Variants in ADCY8 observed in about 807,000 individuals in gnomAD.
ADCY8 encodes adenylate cyclase 8, also known as adenylate cyclase type 8.
ADCY8 carries 51 observed loss-of-function variants against 119.7 expected under a neutral mutation model. The ratio of observed to expected loss-of-function variants is 0.43; its 90% CI spans 0.34 to 0.54. The LOEUF (loss-of-function observed/expected upper bound fraction) is 0.54, where lower values mean the gene tolerates loss of function less well. Among genes scored for constraint, ADCY8 ranks in the 20% least tolerant of loss-of-function variants. The pLI is 0.03. For synonymous variants in ADCY8, 665 were observed against 651.0 expected, an observed-to-expected ratio of 1.02 and a Z score of -0.33; for missense variants, 1,383 against 1,598.8, an observed-to-expected ratio of 0.87 and a Z score of 2.30.
intron 13 of ADCY8, among the ~76,000 whole-genome samples, chr8:130,816,660 C>G (rs992423831): frequency 6.6e-6 from 1 of 151,944 alleles, no homozygotes; most frequent in African/African-American, 2.4e-5. Context: ...CTCCTGACCT[C>G]GTGATCCACC....
intron 15 of ADCY8, among the ~76,000 whole-genome samples, chr8:130,788,171 G>T (rs912948777): frequency 6.6e-6 from 1 of 151,954 alleles, no homozygotes; most frequent in African/African-American, 2.4e-5. Context: ...AGTGAACACG[G>T]GAGTGCAGAC....
intron 2 of ADCY8, among the ~76,000 whole-genome samples, chr8:130,977,441 C>G (rs1412004244): frequency 6.6e-6 from 1 of 152,142 alleles, no homozygotes; most frequent in Non-Finnish European, 1.5e-5. Flanking sequence ...TTTTCATACT[C>G]CAAACATCTC....
chr8:130,923,059 T>C (rs1334611001), intron 5 of ADCY8, among the ~76,000 whole-genome samples: 1 of 152,228 alleles, frequency 6.6e-6, no homozygotes, highest in Non-Finnish European at 1.5e-5. Flanking sequence ...TCAATTTTCA[T>C]TATTACAAAT....
At chr8:130,795,208 C>T (rs1815541836) in intron 15 of ADCY8, among the ~76,000 whole-genome samples, 2 of 152,198 alleles carry the variant, frequency 1.3e-5, no homozygotes, top group African/African-American at 4.8e-5. Flanking sequence ...CTCTGAGTGG[C>T]ACTTTGAGCT....
At chr8:131,037,081 A>G (rs1037213914) in intron 1 of ADCY8, among the ~76,000 whole-genome samples, 1 of 152,200 alleles carries the variant, frequency 6.6e-6, no homozygotes, top group African/African-American at 2.4e-5. Context: ...AAAGACTCTT[A>G]AGCCAATAGA....
chr8:130,810,254 A>G (rs1816119216), intron 14 of ADCY8, among the ~76,000 whole-genome samples: 1 of 152,100 alleles, frequency 6.6e-6, no homozygotes, highest in Non-Finnish European at 1.5e-5. Context: ...GGTAACAGAG[A>G]ATGAAACTGG....
chr8:130,937,729 C>A (rs956426377), intron 4 of ADCY8, among the ~76,000 whole-genome samples: 7 of 152,152 alleles, frequency 4.6e-5, no homozygotes, highest in African/African-American at 1.7e-4. Context: ...CTTATATATC[C>A]TTTTATTCGT....
At chr8:131,031,829 A>C (rs1175583029) in intron 1 of ADCY8, among the ~76,000 whole-genome samples, 1 of 152,156 alleles carries the variant, frequency 6.6e-6, no homozygotes, top group Non-Finnish European at 1.5e-5. Flanking sequence ...TTATAGCAGC[A>C]TAAGATGGGT....
chr8:130,808,907 A>G (rs1313730899), intron 14 of ADCY8, among the ~76,000 whole-genome samples: 1 of 151,950 alleles, frequency 6.6e-6, no homozygotes, highest in Non-Finnish European at 1.5e-5. Flanking sequence ...CTCCTCATAA[A>G]GCCATGATGA....
intron 8 of ADCY8, among the ~76,000 whole-genome samples, chr8:130,872,119 T>A (rs1385242406): frequency 1.3e-5 from 2 of 152,190 alleles, no homozygotes; most frequent in African/African-American, 4.8e-5. Flanking sequence ...TAGATTAGGA[T>A]TTGGAATATT....
Position 130,890,726 on chromosome 8 carries a change from C to A in ADCY8, c.1912-5965G>T, listed in dbSNP as rs1210317131. On this transcript the variant is annotated intron_variant, in intron 7 of 17. Coordinates refer to ENST00000286355, the MANE Select transcript of ADCY8 (RefSeq NM_001115.3). ...CTGGCTGCTAGAGCACCAGAGACCA[C>A]AGGCTGGCAAGGGGTAACCTTGAGC... Among the ~76,000 whole-genome samples, 3 of 152,302 alleles carry A rather than the reference C, an allele frequency of 2.0e-5. No individual in the cohort carries two copies. In the East Asian group the frequency reaches 5.8e-4, roughly 29 times the overall value.
intron 5 of ADCY8, among the ~76,000 whole-genome samples, chr8:130,932,934 CA>C (rs1485670758): frequency 1.3e-5 from 2 of 152,084 alleles, no homozygotes; most frequent in Non-Finnish European, 2.9e-5. Flanking sequence ...GCCATTTGCA[CA>C]AAAATTATAG....
chr8:130,807,404 T>C (rs1161234801), intron 14 of ADCY8, among the ~76,000 whole-genome samples: 1 of 152,230 alleles, frequency 6.6e-6, no homozygotes, highest in Non-Finnish European at 1.5e-5. Flanking sequence ...CAAATTCATA[T>C]GTTGAAACTT....
At chr8:130,874,701 T>C (rs915151245) in intron 8 of ADCY8, among the ~76,000 whole-genome samples, 2 of 152,210 alleles carry the variant, frequency 1.3e-5, no homozygotes, top group African/African-American at 2.4e-5. Flanking sequence ...CATTTCCTAA[T>C]GTTATGTCCT....
intron 4 of ADCY8, among the ~76,000 whole-genome samples, chr8:130,938,024 A>G (rs1298695287): frequency 1.3e-5 from 2 of 152,230 alleles, no homozygotes; most frequent in Admixed American, 6.5e-5. Context: ...GCATGCTTTT[A>G]TATTGGATAG....
chr8:130,898,428 A>G (rs78935502), intron 7 of ADCY8, among the ~76,000 whole-genome samples: 3,321 of 152,342 alleles, frequency 0.022, 76 homozygotes, highest in South Asian at 0.081. Context: ...TAGAAATTCC[A>G]TCTGTGTTTA....
intron 1 of ADCY8, among the ~76,000 whole-genome samples, chr8:131,037,646 C>A (rs1399718317): frequency 6.6e-6 from 1 of 150,458 alleles, no homozygotes; most frequent in Non-Finnish European, 1.5e-5. Context: ...AAAGAGAAGG[C>A]AAAGAGAAGG....
At chr8:130,965,976 A>G (rs1020123953) in intron 2 of ADCY8, among the ~76,000 whole-genome samples, 3 of 152,208 alleles carry the variant, frequency 2.0e-5, no homozygotes, top group Non-Finnish European at 4.4e-5. Context: ...CCAGAACCCA[A>G]CACAAGCTTA....
chr8:130,803,535 A>T (rs1245923997), intron 14 of ADCY8, among the ~76,000 whole-genome samples: 3 of 152,206 alleles, frequency 2.0e-5, no homozygotes, highest in Admixed American at 2.0e-4. Context: ...AAATACTCAA[A>T]ACTGTTGGTT....
Sources: gnomAD v4.1 joint callset for allele counts (sites outside exome capture counted in the v4.1 genomes callset) on GRCh38, gnomAD v4.1.1 for gene constraint, MANE v1.5 for transcripts, NCBI Gene and HGNC (gene_info 2026-07-23, HGNC 2026-07-21) for gene names.